Variants in SPAG17 observed in about 807,000 individuals in gnomAD.
The protein encoded by SPAG17 is sperm-associated antigen 17.
Under a neutral mutation model 273.6 loss-of-function variants are expected in SPAG17, and 169 were observed. That is an observed-to-expected ratio of 0.62 (90% CI 0.55 to 0.70). The LOEUF (loss-of-function observed/expected upper bound fraction) is 0.70. Among genes scored for constraint, SPAG17 ranks in the 30% least tolerant of loss-of-function variants. The pLI is 0.00. For synonymous variants in SPAG17, 825 were observed against 873.2 expected, an observed-to-expected ratio of 0.94 and a Z score of 0.97; for missense variants, 2,557 against 2,627.8, an observed-to-expected ratio of 0.97 and a Z score of 0.59.
chr1:118,036,049 G>A (rs1649038513), intron 24 of SPAG17, among the ~76,000 whole-genome samples: 2 of 152,088 alleles, frequency 1.3e-5, no homozygotes, highest in Non-Finnish European at 2.9e-5. Context: ...TTAGCCAGGT[G>A]TGGTGGCATG....
In SPAG17 at chr1:118,096,535, G is replaced by A. The variant is rs10923494; in HGVS notation, c.1011+1135C>T. Reference sequence around the variant, plus strand: ...CGTCCTGCAGGGTATTCAACACTCCGAGGCCCCTGTTAGTTGGGATAAGGG... The same window carrying A: ...CGTCCTGCAGGGTATTCAACACTCCAAGGCCCCTGTTAGTTGGGATAAGGG... On this transcript the variant is annotated intron_variant, in intron 7 of 48. Coordinates refer to ENST00000336338, the MANE Select transcript of SPAG17 (RefSeq NM_206996.4). Among the ~76,000 whole-genome samples, 690 of 152,164 alleles carry A rather than the reference G, an allele frequency of 4.5e-3. 4 individuals are homozygous for A. The highest frequency in any genetic ancestry group is 0.016 in the African/African-American group (652 of 41,508).
intron 1 of SPAG17, among the ~76,000 whole-genome samples, chr1:118,166,990 C>T (rs1307535373): frequency 6.6e-6 from 1 of 152,130 alleles, no homozygotes; most frequent in Non-Finnish European, 1.5e-5. Flanking sequence ...TATTTCATGT[C>T]TGACAATGCT....
chr1:117,982,465 T>A (rs1342368496), intron 42 of SPAG17, among the ~76,000 whole-genome samples: 14 of 152,112 alleles, frequency 9.2e-5, no homozygotes, highest in Non-Finnish European at 2.1e-4. Context: ...ATGGTCTCGA[T>A]CTCCTGACCT....
intron 17 of SPAG17, among the ~76,000 whole-genome samples, chr1:118,072,645 C>T (rs1053984414): frequency 5.9e-5 from 9 of 152,148 alleles, no homozygotes; most frequent in Non-Finnish European, 1.2e-4. Context: ...AAAAATGGTA[C>T]CCATACAGGA....
chr1:118,001,884 T>A (rs942675186), intron 32 of SPAG17, among the ~76,000 whole-genome samples: 2 of 152,188 alleles, frequency 1.3e-5, no homozygotes, highest in Non-Finnish European at 1.5e-5. Flanking sequence ...TTGTTTTCTC[T>A]TGTTTTTCTA....
chr1:118,023,213 C>G, intron 28 of SPAG17, 91 bp downstream of exon 28: 1 of 856,972 alleles, frequency 1.2e-6, no homozygotes, highest in Non-Finnish European at 1.7e-6. Flanking sequence ...GAAGAGGTTG[C>G]AAGTATTATA....
intron 17 of SPAG17, among the ~76,000 whole-genome samples, chr1:118,070,389 T>C (rs1653456722): frequency 6.6e-6 from 1 of 152,186 alleles, no homozygotes; most frequent in Non-Finnish European, 1.5e-5. Context: ...TAAAATCTTT[T>C]TAAGAAGCAG....
At chr1:118,087,081 A>C in intron 10 of SPAG17, 73 bp from the exon 11 acceptor site, 2 of 1,473,886 alleles carry the variant, frequency 1.4e-6, no homozygotes, top group Non-Finnish European at 1.8e-6. Context: ...TCATTGCTGC[A>C]TTCCCACTGC....
At chr1:118,163,434 C>T (rs1308703842) in intron 1 of SPAG17, among the ~76,000 whole-genome samples, 4 of 152,108 alleles carry the variant, frequency 2.6e-5, no homozygotes, top group Non-Finnish European at 4.4e-5. Flanking sequence ...GTTTTCCTGC[C>T]GCGGTTTCCT....
chr1:118,159,927 T>C (rs897671802), intron 1 of SPAG17, among the ~76,000 whole-genome samples: 24 of 152,268 alleles, frequency 1.6e-4, no homozygotes, highest in African/African-American at 5.3e-4. Flanking sequence ...GTTAGTACAA[T>C]CCAACCAGTT....
intron 29 of SPAG17, among the ~76,000 whole-genome samples, chr1:118,015,011 G>A (rs1468427055): frequency 4.6e-5 from 7 of 152,176 alleles, no homozygotes; most frequent in African/African-American, 1.2e-4. Flanking sequence ...AGGGCCGGGC[G>A]TGGTGGTTCA....
At chr1:118,148,119 C>T (rs918364213) in intron 3 of SPAG17, among the ~76,000 whole-genome samples, 1 of 152,128 alleles carries the variant, frequency 6.6e-6, no homozygotes, top group Non-Finnish European at 1.5e-5. Flanking sequence ...GTTAGATTAT[C>T]TTTTATCTCT....
intron 4 of SPAG17, among the ~76,000 whole-genome samples, chr1:118,111,456 T>G (rs1404559154): frequency 1.3e-5 from 2 of 152,024 alleles, no homozygotes; most frequent in Non-Finnish European, 2.9e-5. Context: ...CTCTGTTCGA[T>G]TTCTTAAAAT....
At chr1:118,105,481 T>C (rs542693289) in intron 4 of SPAG17, among the ~76,000 whole-genome samples, 1 of 152,166 alleles carries the variant, frequency 6.6e-6, no homozygotes, top group South Asian at 2.1e-4. Flanking sequence ...GCGAAATGAT[T>C]GTGATGGAAG....
chr1:118,142,538 T>C (rs1390046992), intron 3 of SPAG17, among the ~76,000 whole-genome samples: 1 of 152,224 alleles, frequency 6.6e-6, no homozygotes. Context: ...TATTTTCATG[T>C]TCTGATGTTG....
chr1:117,980,247 T>A (rs2101581904), intron 43 of SPAG17, among the ~76,000 whole-genome samples: 1 of 152,290 alleles, frequency 6.6e-6, no homozygotes, highest in East Asian at 1.9e-4. Flanking sequence ...CTTTTCTTTT[T>A]TTGGGATGGA....
At chr1:118,182,398 G>T (rs1413507425) in intron 1 of SPAG17, among the ~76,000 whole-genome samples, 1 of 152,128 alleles carries the variant, frequency 6.6e-6, no homozygotes, top group East Asian at 1.9e-4. Flanking sequence ...TGCATGGAAA[G>T]ATTTTAATCT....
intron 20 of SPAG17, among the ~76,000 whole-genome samples, chr1:118,049,770 A>C (rs966224064): frequency 6.6e-6 from 1 of 152,240 alleles, no homozygotes; most frequent in African/African-American, 2.4e-5. Flanking sequence ...GTAGGTAGCT[A>C]GTCAGGCATG....
chr1:118,055,674 AAG>A (rs1651587331), intron 19 of SPAG17, 57 bp downstream of exon 19: 3 of 1,342,224 alleles, frequency 2.2e-6, no homozygotes, highest in Non-Finnish European at 3.1e-6. Context: ...TGATTAAATT[AAG>A]AGAGAGAAGA....
Sources: allele counts gnomAD v4.1 joint callset (sites outside exome capture counted in the v4.1 genomes callset), GRCh38; gene constraint gnomAD v4.1.1; transcripts MANE v1.5; gene names NCBI Gene and HGNC (gene_info 2026-07-23, HGNC 2026-07-21).